IPO5: variants seen among roughly 807,000 people sequenced by gnomAD.
IPO5 encodes the protein importin 5.
In IPO5, 18 loss-of-function variants were observed where a neutral mutation model predicts 143.3. The observed-to-expected ratio is 0.13, with a 90% CI of 0.09 to 0.19. IPO5 has a LOEUF of 0.19. IPO5 is among the 10% of genes least tolerant of loss of function. IPO5 has a pLI of 1.00. For missense variants in IPO5, 1,013 were observed against 1,336.9 expected (o/e 0.76, Z 3.78); for synonymous variants, 477 against 465.7 (o/e 1.02, Z -0.31).
At chr13:97,994,709 CTG>C (rs1437517994) in intron 11 of IPO5, among the ~76,000 whole-genome samples, 2 of 151,620 alleles carry the variant, frequency 1.3e-5, no homozygotes, top group East Asian at 1.9e-4. Context: ...TTCATCAACT[CTG>C]TGAATTTAGA....
At chr13:98,005,289 C>A (rs1193911219) in intron 16 of IPO5, among the ~76,000 whole-genome samples, 2 of 152,018 alleles carry the variant, frequency 1.3e-5, no homozygotes, top group East Asian at 3.9e-4. Context: ...CCTCTGCCTC[C>A]CCAGTTCAAG....
rs569161897 is a variant in IPO5, at chr13:97,959,062, C to T, written c.-113+4864C>T. 5.0e-4 allele frequency among the ~76,000 whole-genome samples: 76 copies of T among 151,904 alleles called. 1 individual carries two copies. Among genetic ancestry groups the T allele is most frequent in the Non-Finnish European group, 1.3e-4 (9 of 67,962 alleles). On this transcript the variant is annotated intron_variant, in intron 2 of 28. Coordinates refer to ENST00000651721, the MANE Select transcript of IPO5 (RefSeq NM_002271.6). ...TGGCGGGCACCTGTAATCCCAGCTA[C>T]TCGGGAGGCTGAGGCAAGAGAATTG...
chr13:98,009,548 T>G (rs985871050), intron 18 of IPO5, among the ~76,000 whole-genome samples: 4 of 152,194 alleles, frequency 2.6e-5, no homozygotes, highest in African/African-American at 9.6e-5. Context: ...TGATGAAGTG[T>G]TTGGTTTTGT....
Position 97,954,130 on chromosome 13 carries a change from GA to G in IPO5, c.-180del. On this transcript the variant is annotated 5_prime_UTR_variant, in exon 2 of 29. Transcript: ENST00000651721. ...TTTATTTCACTTAGGTGGTTCCGGGGAGAAGCCTTTCCAGGACCCATGTGTA... is the reference window on the plus strand; with the variant it reads ...TTTATTTCACTTAGGTGGTTCCGGGGGAAGCCTTTCCAGGACCCATGTGTA... 3.9e-6 allele frequency: 1 copy of G among 255,204 alleles called. No individual in the cohort carries two copies. Among genetic ancestry groups the G allele is most frequent in the East Asian group, 1.2e-4 (1 of 8,648 alleles). 15.8% of individuals were successfully genotyped at this position (255,204 alleles called of 1,614,324 possible). A position where few individuals can be genotyped will look rare whatever the true frequency, so the allele number is the denominator to read the frequency against.
chr13:98,006,841 T>C (rs1442677280), intron 17 of IPO5, among the ~76,000 whole-genome samples: 1 of 151,522 alleles, frequency 6.6e-6, no homozygotes, highest in Non-Finnish European at 1.5e-5. Flanking sequence ...CTTCATCTTT[T>C]CATTGTTTGT....
intron 4 of IPO5, among the ~76,000 whole-genome samples, chr13:97,980,734 G>C (rs1378136731): frequency 6.6e-6 from 1 of 151,886 alleles, no homozygotes; most frequent in Non-Finnish European, 1.5e-5. Flanking sequence ...GGCTGAGGCA[G>C]GAGAATCTCT....
intron 2 of IPO5, among the ~76,000 whole-genome samples, chr13:97,960,897 G>A (rs1368797798): frequency 1.3e-5 from 2 of 152,080 alleles, no homozygotes; most frequent in Non-Finnish European, 2.9e-5. Flanking sequence ...GGAGTGTTTA[G>A]TATATTCAGT....
At chr13:97,979,823 G>T in intron 4 of IPO5, 2 of 451,624 alleles carry the variant, frequency 4.4e-6, no homozygotes, top group South Asian at 3.1e-5. Context: ...ACCACACCCA[G>T]CCCATTGTTG....
chr13:98,018,742 G>A (rs758451816), intron 26 of IPO5, 38 bp downstream of exon 26: 40 of 1,455,572 alleles, frequency 2.7e-5, no homozygotes, highest in Non-Finnish European at 3.8e-5. Context: ...TTTCATTCCA[G>A]ACATCCTGTG....
chr13:97,959,084 A>G lies in IPO5; in HGVS notation c.-113+4886A>G, dbSNP rs551775622. On this transcript the variant is annotated intron_variant, in intron 2 of 28. Transcript: ENST00000651721. ...CTACTCGGGAGGCTGAGGCAAGAGA[A>G]TTGCTTGAACCTAGGAGGCAGAGGT... 2.6e-5 allele frequency among the ~76,000 whole-genome samples: 4 copies of G among 151,912 alleles called. No individual in the cohort carries two copies. In the East Asian group the frequency reaches 7.8e-4, roughly 30 times the overall value.
chr13:97,979,724 G>A (rs645882), intron 4 of IPO5: 25,933 of 353,178 alleles, frequency 0.073, 1,724 homozygotes, highest in East Asian at 0.32. Context: ...TAGAGACAGG[G>A]TCTTGCTGTG....
At chr13:97,985,385 G>A in intron 5 of IPO5, 36 bp from the exon 6 acceptor site, 1 of 1,516,554 alleles carries the variant, frequency 6.6e-7, no homozygotes, top group Non-Finnish European at 9.1e-7. Context: ...CAATGGCAGA[G>A]TGAATCTAGT....
At chr13:98,010,624 G>C (rs1196961558) in intron 20 of IPO5, among the ~76,000 whole-genome samples, 2 of 152,036 alleles carry the variant, frequency 1.3e-5, no homozygotes, top group African/African-American at 4.8e-5. Flanking sequence ...AACAAAACTT[G>C]TATGATTTCA....
intron 10 of IPO5, 30 bp from the exon 11 acceptor site, chr13:97,993,075 T>C (rs1470442041): frequency 1.2e-6 from 2 of 1,612,708 alleles, no homozygotes; most frequent in South Asian, 1.1e-5. Flanking sequence ...TCTAAATTAT[T>C]AAATGTATAC....
At chr13:98,013,457 T>G (rs1293493628) in intron 21 of IPO5, among the ~76,000 whole-genome samples, 1 of 152,154 alleles carries the variant, frequency 6.6e-6, no homozygotes, top group Non-Finnish European at 1.5e-5. Flanking sequence ...CAAAGCCCGT[T>G]TGTCATCATT....
At chr13:97,984,519 C>G (rs1887163902) in intron 5 of IPO5, among the ~76,000 whole-genome samples, 1 of 151,644 alleles carries the variant, frequency 6.6e-6, no homozygotes, top group Non-Finnish European at 1.5e-5. Flanking sequence ...GTTTTAACCA[C>G]TTTTATAAGA....
chr13:97,996,248 A>AC (rs1888277281), intron 11 of IPO5, among the ~76,000 whole-genome samples: 4 of 152,028 alleles, frequency 2.6e-5, no homozygotes, highest in Admixed American at 2.6e-4. Context: ...ATAGGGTTTT[A>AC]CCATGTTGCC....
At chr13:97,989,483 G>A (rs1176036265) in intron 7 of IPO5, among the ~76,000 whole-genome samples, 5 of 152,102 alleles carry the variant, frequency 3.3e-5, no homozygotes, top group African/African-American at 1.2e-4. Context: ...CTTTTCAAAA[G>A]CCACATTAAT....
intron 4 of IPO5, among the ~76,000 whole-genome samples, chr13:97,977,978 C>T (rs1372655379): frequency 6.6e-6 from 1 of 152,126 alleles, no homozygotes; most frequent in African/African-American, 2.4e-5. Context: ...TTTGAAACGA[C>T]GGTGGTAATC....
Sources: allele counts gnomAD v4.1 joint callset (sites outside exome capture counted in the v4.1 genomes callset), GRCh38; gene constraint gnomAD v4.1.1; transcripts MANE v1.5; gene names NCBI Gene and HGNC (gene_info 2026-07-23, HGNC 2026-07-21).